ADAM12: variants seen among roughly 807,000 people sequenced by gnomAD.
ADAM12 encodes the protein disintegrin and metalloproteinase domain-containing protein 12.
Under a neutral mutation model 106.4 loss-of-function variants are expected in ADAM12, and 70 were observed. The observed-to-expected ratio is 0.66, with a 90% confidence interval of 0.54 to 0.80. ADAM12 has a LOEUF of 0.80. Among genes scored for constraint, ADAM12 ranks in the 30% least tolerant of loss-of-function variants. The pLI is 0.00. For missense variants in ADAM12, 1,010 were observed against 1,171.9 expected, an observed-to-expected ratio of 0.86 and a Z score of 2.02; for synonymous variants, 420 against 433.5, an observed-to-expected ratio of 0.97 and a Z score of 0.39.
At chr10:126,353,135 C>T (rs980514282) in intron 1 of ADAM12, among the ~76,000 whole-genome samples, 1 of 152,208 alleles carries the variant, frequency 6.6e-6, no homozygotes, top group East Asian at 1.9e-4. Context: ...ATTGCCATCA[C>T]TCCCTATACT....
intron 3 of ADAM12, among the ~76,000 whole-genome samples, chr10:126,231,688 C>A (rs889389897): frequency 6.6e-6 from 1 of 152,198 alleles, no homozygotes; most frequent in African/African-American, 2.4e-5. Flanking sequence ...AGCACAAGGC[C>A]AGCCCACCAC....
chr10:126,384,671 G>A (rs960382005), intron 1 of ADAM12, among the ~76,000 whole-genome samples: 15 of 152,156 alleles, frequency 9.9e-5, no homozygotes, highest in Admixed American at 3.3e-4. Flanking sequence ...AGAAAGTGTG[G>A]AAGTAAAATA....
intron 3 of ADAM12, among the ~76,000 whole-genome samples, chr10:126,254,783 C>T (rs1312824350): frequency 1.3e-5 from 2 of 152,194 alleles, no homozygotes; most frequent in African/African-American, 4.8e-5. Context: ...CTCTGTTTTG[C>T]AGGGGTTTCT....
chr10:126,096,999 C>T (rs900200983), intron 10 of ADAM12, among the ~76,000 whole-genome samples: 1 of 152,080 alleles, frequency 6.6e-6, no homozygotes, highest in African/African-American at 2.4e-5. Context: ...GAATAAGGGA[C>T]ACGAGCTGAA....
chr10:126,093,453 T>C (rs995240871), intron 11 of ADAM12, among the ~76,000 whole-genome samples: 1 of 152,140 alleles, frequency 6.6e-6, no homozygotes, highest in Non-Finnish European at 1.5e-5. Flanking sequence ...TAAGATCTGG[T>C]AAGGTGATGT....
At chr10:126,169,584 T>G (rs1366563587) in intron 3 of ADAM12, among the ~76,000 whole-genome samples, 1 of 152,068 alleles carries the variant, frequency 6.6e-6, no homozygotes, top group Non-Finnish European at 1.5e-5. Context: ...TTCTTTCTAC[T>G]CTAAAAAAAA....
At chr10:126,117,084 G>A (rs1955997914) in intron 6 of ADAM12, among the ~76,000 whole-genome samples, 1 of 152,206 alleles carries the variant, frequency 6.6e-6, no homozygotes, top group Admixed American at 6.5e-5. Flanking sequence ...AGAGGAACAG[G>A]AAATCCAGAA....
At chr10:126,232,981 G>A (rs890192558) in intron 3 of ADAM12, among the ~76,000 whole-genome samples, 8 of 152,106 alleles carry the variant, frequency 5.3e-5, no homozygotes, top group Middle Eastern at 3.2e-3. Flanking sequence ...GAAAGATGTG[G>A]CATCTCGATA....
intron 1 of ADAM12, 136 bp from the exon 2 acceptor site, chr10:126,330,645 T>C (rs2133851398): frequency 1.4e-6 from 1 of 692,186 alleles, no homozygotes; most frequent in Admixed American, 3.4e-5. Context: ...ACCCATTAAG[T>C]CATGAAAAGT....
At chr10:126,154,560 C>A (rs1006657531) in intron 4 of ADAM12, among the ~76,000 whole-genome samples, 1 of 152,192 alleles carries the variant, frequency 6.6e-6, no homozygotes, top group African/African-American at 2.4e-5. Context: ...ATACCCACAG[C>A]TCTTTAAAAC....
At chr10:126,075,619 C>A (rs1358115890) in intron 11 of ADAM12, among the ~76,000 whole-genome samples, 1 of 152,118 alleles carries the variant, frequency 6.6e-6, no homozygotes, top group Non-Finnish European at 1.5e-5. Context: ...CACCAGGAAA[C>A]CTCACCAGTA....
chr10:126,351,216 C>A (rs995500860), intron 1 of ADAM12, among the ~76,000 whole-genome samples: 1 of 143,324 alleles, frequency 7.0e-6, no homozygotes, highest in Non-Finnish European at 1.5e-5. Context: ...CCCTTCCCTT[C>A]TGTCCCAACT....
chr10:126,142,211 G>GAC (rs1278152137), intron 4 of ADAM12, among the ~76,000 whole-genome samples: 1 of 152,152 alleles, frequency 6.6e-6, no homozygotes. Flanking sequence ...AGGAATTAAA[G>GAC]ACACACACAC....
At chr10:126,036,666 G>C (rs981538204) in intron 20 of ADAM12, among the ~76,000 whole-genome samples, 2 of 152,130 alleles carry the variant, frequency 1.3e-5, no homozygotes, top group African/African-American at 4.8e-5. Flanking sequence ...AGTTACAAAA[G>C]AGATGTGAAA....
rs543557404 is a variant in ADAM12, at chr10:126,337,890, T to C, written c.89-7381A>G. 3.9e-5 allele frequency among the ~76,000 whole-genome samples: 6 copies of C among 152,298 alleles called. No individual in the cohort carries two copies. In the East Asian group the frequency reaches 1.2e-3, roughly 29 times the overall value. ...TGTTTGTATGTATTTCTGGCTTTTC[T>C]ATAACTGGCACATTATTACTTTTAT... On this transcript the variant is annotated intron_variant, in intron 1 of 22. Transcript: ENST00000448723.
At chr10:126,312,292 G>T (rs1257228308) in intron 2 of ADAM12, among the ~76,000 whole-genome samples, 1 of 152,108 alleles carries the variant, frequency 6.6e-6, no homozygotes, top group Non-Finnish European at 1.5e-5. Flanking sequence ...GATGGGTGCA[G>T]AGGGAACCCG....
rs1367753262 is a variant in ADAM12, at chr10:126,066,163, T to A, written c.1413+554A>T. Among the ~76,000 whole-genome samples, 1 of 152,108 alleles carries A rather than the reference T, an allele frequency of 6.6e-6. No individual in the cohort carries two copies. Among genetic ancestry groups the A allele is most frequent in the Non-Finnish European group, 1.5e-5 (1 of 68,028 alleles). ...ATATCAGCTCTGAATAATGAGACAA[T>A]GGAACTGCCAAAAGAAACGCAGTCC... On this transcript the variant is annotated intron_variant, in intron 13 of 22. Transcript: ENST00000448723. This position sits in a 1 kb window ranked among gnomAD's most constrained non-coding sequence, Gnocchi z 5.1.
At chr10:126,099,919 A>G (rs1955628455) in intron 9 of ADAM12, among the ~76,000 whole-genome samples, 1 of 152,232 alleles carries the variant, frequency 6.6e-6, no homozygotes, top group African/African-American at 2.4e-5. Context: ...GTATTTAAAG[A>G]TTTAAATAAA....
chr10:126,361,185 TA>T (rs1035710565), intron 1 of ADAM12, among the ~76,000 whole-genome samples: 2 of 152,176 alleles, frequency 1.3e-5, no homozygotes, highest in Non-Finnish European at 2.9e-5. Context: ...AAATCCCATT[TA>T]AAATAGCTAT....
Sources: allele counts gnomAD v4.1 joint callset (sites outside exome capture counted in the v4.1 genomes callset), GRCh38; gene constraint gnomAD v4.1.1; non-coding constraint Gnocchi (gnomAD v3.1); transcripts MANE v1.5; gene names NCBI Gene and HGNC (gene_info 2026-07-23, HGNC 2026-07-21).